Variants in AKAP9 observed in about 807,000 individuals in gnomAD.
AKAP9 encodes A-kinase anchor protein 9.
AKAP9 carries 311 observed loss-of-function variants against 488.5 expected under a neutral mutation model. That is an observed-to-expected ratio of 0.64 (90% CI 0.58 to 0.70). AKAP9 has a LOEUF of 0.70. Among genes scored for constraint, AKAP9 ranks in the 30% least tolerant of loss-of-function variants. The probability of loss-of-function intolerance (pLI) is 0.00; values close to 1 mark genes in which losing one functional copy is unlikely to be tolerated. For synonymous variants in AKAP9, 1,462 were observed against 1,483.5 expected, an observed-to-expected ratio of 0.99 and a Z score of 0.33; for missense variants, 4,215 against 4,374.5, an observed-to-expected ratio of 0.96 and a Z score of 1.03.
At chr7:92,083,785 G>T in intron 33 of AKAP9, 130 bp downstream of exon 33, 1 of 960,828 alleles carries the variant, frequency 1.0e-6, no homozygotes, top group Non-Finnish European at 1.5e-6. Context: ...TTCTAAGTAG[G>T]TGTATTATCA....
rs372398605 is a variant in AKAP9, at chr7:92,038,761, G to T, written c.4681G>T (p.Val1561Phe). ...EMFSKDKTFI[V>F]RQSIHDEISV... is the part of the protein sequence containing the mutation. ...GTTCTCCAAAGATAAAACATTTATA[G>T]TTAGACAGTCTGTAAGTATGCCTCC... is the stretch of plus-strand genomic sequence containing the variant. The change falls in exon 17 of 50, where the codon GTT (valine) becomes TTT (phenylalanine). Residue 1561 changes from valine to phenylalanine, a missense_variant. Val to Phe is a conservative substitution (Grantham distance 50). Transcript: ENST00000356239. The T allele has an allele frequency of 2.5e-6, 4 of 1,601,524 alleles. No individual in the cohort carries two copies. The African/African-American group carries it at 4.0e-5, about 16-fold the overall frequency.
chr7:92,083,470 ATCAG>A lies in AKAP9; in HGVS notation c.8467_8470del (p.Gln2823LeufsTer30), dbSNP rs1813956122. 1.9e-6 allele frequency: 3 copies of A among 1,613,422 alleles called. No homozygotes were observed. Among genetic ancestry groups the A allele is most frequent in the Non-Finnish European group, 2.5e-6 (3 of 1,179,592 alleles). ...TTCCTCAGAAGAAGTTACTGAAATA[ATCAG>A]TCAGTTTACTGAAAAAATTGAGAAG... On this transcript the variant is annotated frameshift_variant, in exon 33 of 50. Transcript: ENST00000356239. LOFTEE classifies it high-confidence loss of function.
intron 7 of AKAP9, chr7:91,996,019 T>C (rs989923024): frequency 6.5e-6 from 3 of 462,282 alleles, no homozygotes; most frequent in Non-Finnish European, 1.1e-5. Context: ...TATGTTAAAC[T>C]GAATTAGCAG....
chr7:91,968,464 T>A (rs1442970550), intron 1 of AKAP9, among the ~76,000 whole-genome samples: 3 of 152,134 alleles, frequency 2.0e-5, no homozygotes, highest in Non-Finnish European at 2.9e-5. Context: ...TCATTTCTGA[T>A]TTTATTTGAC....
intron 21 of AKAP9, among the ~76,000 whole-genome samples, chr7:92,049,846 A>G (rs1807631634): frequency 6.6e-6 from 1 of 152,036 alleles, no homozygotes; most frequent in Non-Finnish European, 1.5e-5. Context: ...ATTTGGCTTA[A>G]AAAAGCCAGA....
Position 92,042,912 on chromosome 7 carries a change from A to T in AKAP9, c.5162+141A>T, listed in dbSNP as rs955481108. 12 of 607,404 alleles carry T rather than the reference A, an allele frequency of 2.0e-5. No individual in the cohort carries two copies. In the Admixed American group the frequency reaches 2.2e-4, roughly 11 times the overall value. 37.6% of individuals were successfully genotyped at this position (607,404 alleles called of 1,614,324 possible). On this transcript the variant is annotated intron_variant, in intron 20 of 49. Transcript: ENST00000356239. ...TACCATCTGTGTATGAAACATGTCC[A>T]TGTATGTGTAGTATGTAAAGGATTT...
At chr7:92,047,012 C>A (rs1807117487) in intron 21 of AKAP9, among the ~76,000 whole-genome samples, 2 of 152,168 alleles carry the variant, frequency 1.3e-5, no homozygotes, top group Non-Finnish European at 2.9e-5. Context: ...AGACAGTGAA[C>A]TTACTTCCAG....
chr7:91,957,011 T>C (rs1386523326), intron 1 of AKAP9, among the ~76,000 whole-genome samples: 1 of 152,212 alleles, frequency 6.6e-6, no homozygotes, highest in Non-Finnish European at 1.5e-5. Flanking sequence ...AAAGGGTATA[T>C]GTTTTTAATT....
intron 2 of AKAP9, among the ~76,000 whole-genome samples, chr7:91,977,822 T>C (rs1485485027): frequency 1.3e-5 from 2 of 152,242 alleles, no homozygotes; most frequent in Non-Finnish European, 2.9e-5. Context: ...CTCTATTCTA[T>C]AGTTTTAGCA....
intron 35 of AKAP9, 58 bp downstream of exon 35, chr7:92,084,998 T>TAGCA: frequency 6.3e-7 from 1 of 1,583,836 alleles, no homozygotes; most frequent in Non-Finnish European, 8.6e-7. Flanking sequence ...ATGTTGAACA[T>TAGCA]AGCAGTTCAT....
chr7:92,023,992 T>G (rs1802702264), intron 14 of AKAP9, among the ~76,000 whole-genome samples: 1 of 152,178 alleles, frequency 6.6e-6, no homozygotes, highest in African/African-American at 2.4e-5. Flanking sequence ...TTAACCATTC[T>G]GTGTAAATTA....
intron 8 of AKAP9, among the ~76,000 whole-genome samples, chr7:92,005,568 C>T (rs929770442): frequency 5.3e-5 from 8 of 151,862 alleles, no homozygotes; most frequent in Non-Finnish European, 1.2e-4. Context: ...TATCAAATGT[C>T]GAGATATTTT....
chr7:92,015,366 A>ATTT (rs11345067), intron 10 of AKAP9, among the ~76,000 whole-genome samples: 1 of 137,906 alleles, frequency 7.3e-6, no homozygotes, highest in Non-Finnish European at 1.6e-5. Flanking sequence ...TGTGTTAGGA[A>ATTT]TTTTTTTTTT....
chr7:91,951,261 TTTCTC>T (rs1175896105), intron 1 of AKAP9, among the ~76,000 whole-genome samples: 2 of 151,962 alleles, frequency 1.3e-5, no homozygotes, highest in African/African-American at 4.8e-5. Flanking sequence ...TGTTCTAAGC[TTTCTC>T]TTCTTTCTTT....
At chr7:91,988,146 A>G (rs1191331305) in intron 3 of AKAP9, among the ~76,000 whole-genome samples, 2 of 152,018 alleles carry the variant, frequency 1.3e-5, no homozygotes, top group African/African-American at 4.8e-5. Flanking sequence ...ATAGCTCATC[A>G]ATTTAGTTTT....
intron 21 of AKAP9, among the ~76,000 whole-genome samples, chr7:92,048,241 A>G (rs751978920): frequency 3.9e-5 from 6 of 152,208 alleles, no homozygotes; most frequent in Non-Finnish European, 8.8e-5. Context: ...CAGTTTTCAT[A>G]TATGACTTTT....
intron 3 of AKAP9, among the ~76,000 whole-genome samples, chr7:91,984,391 T>A (rs1172191699): frequency 6.6e-6 from 1 of 152,244 alleles, no homozygotes; most frequent in East Asian, 1.9e-4. Flanking sequence ...TAGGGAATCC[T>A]TTCGCCATTT....
At chr7:91,941,555 T>C (rs1790762566) in intron 1 of AKAP9, among the ~76,000 whole-genome samples, 1 of 152,164 alleles carries the variant, frequency 6.6e-6, no homozygotes, top group Non-Finnish European at 1.5e-5. Context: ...GTTGGGGATT[T>C]GTGCGCTGAT....
rs989865327 is a variant in AKAP9 at position 92,089,284 on chromosome 7, T to G, written c.9214-101T>G. On this transcript the variant is annotated intron_variant, in intron 37 of 49. Transcript: ENST00000356239. Reference sequence around the variant, plus strand: ...AGAAAATTTTTTAAAAAAGAAAATTTTAGTATGTGTGTTCCATTCATTCTT... The same window carrying G: ...AGAAAATTTTTTAAAAAAGAAAATTGTAGTATGTGTGTTCCATTCATTCTT... The G allele has an allele frequency of 4.5e-5, 60 of 1,345,520 alleles. No individual in the cohort carries two copies. In the African/African-American group the frequency reaches 8.0e-4, roughly 18 times the overall value. 83.3% of individuals were successfully genotyped at this position (1,345,520 alleles called of 1,614,324 possible). A position where few individuals can be genotyped will look rare whatever the true frequency, so the allele number is the denominator to read the frequency against.
Sources: allele counts gnomAD v4.1 joint callset (sites outside exome capture counted in the v4.1 genomes callset), GRCh38; gene constraint gnomAD v4.1.1; transcripts MANE v1.5; gene names NCBI Gene and HGNC (gene_info 2026-07-23, HGNC 2026-07-21).